ACAD11: variants seen among roughly 807,000 people sequenced by gnomAD.
The protein encoded by ACAD11 is acyl-Coenzyme A dehydrogenase family, member 11.
A neutral mutation model predicts 102.2 loss-of-function variants in ACAD11; 83 were observed. That is an observed-to-expected ratio of 0.81 (90% CI 0.68 to 0.97). The LOEUF (loss-of-function observed/expected upper bound fraction) is 0.97, where lower values mean the gene tolerates loss of function less well. Among genes scored for constraint, ACAD11 ranks in the 50% least tolerant of loss-of-function variants. The pLI is 0.00. For synonymous variants in ACAD11, 324 were observed against 319.8 expected, an observed-to-expected ratio of 1.01 and a Z score of -0.14; for missense variants, 901 against 951.7, an observed-to-expected ratio of 0.95 and a Z score of 0.70.
At chr3:132,641,868 G>T in intron 4 of ACAD11, 104 bp downstream of exon 4, 2 of 1,065,086 alleles carry the variant, frequency 1.9e-6, no homozygotes, top group Non-Finnish European at 1.3e-6. Flanking sequence ...AAAAGTCATG[G>T]CCAAGCTTCA....
intron 5 of ACAD11, 51 bp downstream of exon 5, chr3:132,639,441 T>G: frequency 6.4e-7 from 1 of 1,563,488 alleles, no homozygotes; most frequent in East Asian, 2.3e-5. Flanking sequence ...TACTTAGTAC[T>G]GTGTCACAAA....
chr3:132,604,271 TTTA>T (rs1289353161), intron 12 of ACAD11, among the ~76,000 whole-genome samples: 1 of 152,184 alleles, frequency 6.6e-6, no homozygotes, highest in Non-Finnish European at 1.5e-5. Flanking sequence ...ATTGTTCTAT[TTTA>T]TTATTAGTTA....
intron 17 of ACAD11, among the ~76,000 whole-genome samples, chr3:132,571,568 C>A (rs1937384242): frequency 6.6e-6 from 1 of 152,074 alleles, no homozygotes; most frequent in Admixed American, 6.6e-5. Flanking sequence ...ATCATGAAAT[C>A]TTTGCCCATT....
intron 11 of ACAD11, among the ~76,000 whole-genome samples, chr3:132,607,120 T>C (rs1227530282): frequency 6.6e-6 from 1 of 152,048 alleles, no homozygotes; most frequent in African/African-American, 2.4e-5. Context: ...CATCTGAAGG[T>C]CACCAACATC....
intron 18 of ACAD11, 103 bp from the exon 19 acceptor site, chr3:132,560,045 AC>A (rs565332895): frequency 4.8e-6 from 4 of 830,648 alleles, no homozygotes; most frequent in Non-Finnish European, 7.7e-6. Flanking sequence ...CCAAGTCACC[AC>A]TAAAACAGGA....
chr3:132,644,916 A>G lies in ACAD11; in HGVS notation c.150-20T>C, dbSNP rs760037903. On this transcript the variant is annotated intron_variant, in intron 1 of 19. Transcript: ENST00000264990. Reference sequence around the variant, plus strand: ...CCTGCTCTAGATAAAAGTAAAAAAAAAAAAGGTCAATTACAAAGATATGTT... The same window carrying G: ...CCTGCTCTAGATAAAAGTAAAAAAAGAAAAGGTCAATTACAAAGATATGTT... 3.0e-5 allele frequency: 44 copies of G among 1,468,860 alleles called. 1 individual carries two copies. In the Admixed American group the frequency reaches 8.6e-4, roughly 29 times the overall value. The allele number at this position is 1,468,860 out of a possible 1,614,324, so 91.0% of individuals were successfully genotyped here. A position where few individuals can be genotyped will look rare whatever the true frequency, so the allele number is the denominator to read the frequency against.
rs180860301 is a variant in ACAD11 at position 132,561,039 on chromosome 3, A to G, written c.2118+62T>C. The G allele has an allele frequency of 6.0e-4, 768 of 1,290,636 alleles. 8 individuals are homozygous for G. Among genetic ancestry groups the G allele is most frequent in the Middle Eastern group, 2.3e-3 (9 of 3,994 alleles). The allele number at this position is 1,290,636 out of a possible 1,614,324, so 79.9% of individuals were successfully genotyped here. A position where few individuals can be genotyped will look rare whatever the true frequency, so the allele number is the denominator to read the frequency against. Reference sequence around the variant, plus strand: ...GATGCCATGAAAACTGAAATGTCCAACAGGTGAGAGAACTGGAGAAGGCTC... The same window carrying G: ...GATGCCATGAAAACTGAAATGTCCAGCAGGTGAGAGAACTGGAGAAGGCTC... On this transcript the variant is annotated intron_variant, in intron 18 of 19. Transcript: ENST00000264990.
chr3:132,629,312 C>T (rs1198423245), intron 7 of ACAD11, among the ~76,000 whole-genome samples: 3 of 152,230 alleles, frequency 2.0e-5, no homozygotes, highest in Non-Finnish European at 4.4e-5. Flanking sequence ...GCCCACATGC[C>T]GCCACACCTG....
At chr3:132,637,702 G>A (rs1940323559) in intron 5 of ACAD11, among the ~76,000 whole-genome samples, 1 of 152,124 alleles carries the variant, frequency 6.6e-6, no homozygotes, top group South Asian at 2.1e-4. Flanking sequence ...ATTGCAGTGA[G>A]CCTATTGTGC....
At chr3:132,645,811 T>C (rs529009479) in intron 1 of ACAD11, 3 of 152,314 alleles carry the variant, frequency 2.0e-5, no homozygotes, top group South Asian at 4.1e-4. Flanking sequence ...CTGGCAATCA[T>C]ATCAAGGAGC....
chr3:132,657,110 TCC>T (rs1257188278), intron 1 of ACAD11, among the ~76,000 whole-genome samples: 2 of 152,226 alleles, frequency 1.3e-5, no homozygotes, highest in Non-Finnish European at 1.5e-5. Context: ...TTACACATCT[TCC>T]AAACATTTAT....
At chr3:132,644,151 T>C (rs1479957706) in intron 2 of ACAD11, among the ~76,000 whole-genome samples, 1 of 152,166 alleles carries the variant, frequency 6.6e-6, no homozygotes, top group Admixed American at 6.5e-5. Flanking sequence ...CCCAGTGACC[T>C]GGGCCTGGGA....
intron 11 of ACAD11, among the ~76,000 whole-genome samples, chr3:132,605,569 G>A (rs548843686): frequency 1.3e-4 from 20 of 152,280 alleles, no homozygotes; most frequent in Middle Eastern, 3.4e-3. Context: ...CAATGCTCCC[G>A]GAGAACAATT....
At chr3:132,621,264 G>C (rs537489335) in intron 9 of ACAD11, 1 of 152,266 alleles carries the variant, frequency 6.6e-6, no homozygotes, top group Admixed American at 6.5e-5. Context: ...CCTCCTTAGC[G>C]CAGTAGGGCA....
chr3:132,655,097 C>T (rs1937711535), intron 1 of ACAD11, among the ~76,000 whole-genome samples: 1 of 152,198 alleles, frequency 6.6e-6, no homozygotes, highest in African/African-American at 2.4e-5. Context: ...GGGACCACTG[C>T]CGTATATGCA....
intron 5 of ACAD11, among the ~76,000 whole-genome samples, chr3:132,636,017 T>C (rs921937609): frequency 1.3e-5 from 2 of 152,158 alleles, no homozygotes; most frequent in African/African-American, 4.8e-5. Context: ...CTATAAATGA[T>C]TACTTTTCTT....
chr3:132,655,382 C>T (rs1459535939), intron 1 of ACAD11, among the ~76,000 whole-genome samples: 1 of 152,146 alleles, frequency 6.6e-6, no homozygotes, highest in African/African-American at 2.4e-5. Context: ...AAGTCTCTCT[C>T]CATCTCAATT....
chr3:132,564,181 A>T (rs1488155001), intron 17 of ACAD11, among the ~76,000 whole-genome samples: 1 of 152,208 alleles, frequency 6.6e-6, no homozygotes, highest in African/African-American at 2.4e-5. Flanking sequence ...ACATACTGCC[A>T]GATTCTATTC....
At chr3:132,583,026 C>G (rs570858368) in intron 13 of ACAD11, among the ~76,000 whole-genome samples, 1 of 152,136 alleles carries the variant, frequency 6.6e-6, no homozygotes, top group Non-Finnish European at 1.5e-5. Flanking sequence ...TTTGTTGTGT[C>G]TCTGCCAGGC....
Sources: gnomAD v4.1 joint callset for allele counts (sites outside exome capture counted in the v4.1 genomes callset) on GRCh38, gnomAD v4.1.1 for gene constraint, MANE v1.5 for transcripts, NCBI Gene and HGNC (gene_info 2026-07-23, HGNC 2026-07-21) for gene names.